Variants in TMEM236 observed in about 807,000 individuals in gnomAD.
TMEM236 encodes family with sequence similarity 23, member A.
In TMEM236, 11 loss-of-function variants were observed where a neutral mutation model predicts 14.7. The observed-to-expected ratio is 0.75, with a 90% CI of 0.47 to 1.24. TMEM236 has a LOEUF of 1.24. TMEM236 is among the 50% of genes most tolerant of loss of function. The probability of loss-of-function intolerance (pLI) is 0.00; values close to 1 mark genes in which losing one functional copy is unlikely to be tolerated. For synonymous variants in TMEM236, 182 were observed against 168.6 expected, an observed-to-expected ratio of 1.08 and a Z score of -0.62; for missense variants, 464 against 427.3, an observed-to-expected ratio of 1.09 and a Z score of -0.76.
At chr10:17,781,231 T>A (rs1837742325) in intron 3 of TMEM236, among the ~76,000 whole-genome samples, 1 of 152,200 alleles carries the variant, frequency 6.6e-6, no homozygotes, top group East Asian at 1.9e-4. Context: ...GGAGTGCTTT[T>A]CATTAAAAGG....
Position 17,796,347 on chromosome 10 carries a change from C to T in TMEM236, c.899C>T (p.Pro300Leu). The T allele has an allele frequency of 6.2e-7, 1 of 1,613,916 alleles. No individual in the cohort carries two copies. Among genetic ancestry groups the T allele is most frequent in the Non-Finnish European group, 8.5e-7 (1 of 1,179,858 alleles). ...CTGAGCGTCCTGCTGCAAGATTTACCATTCGTTTTTGTTAGACTTGGTTTA... is the reference window on the plus strand; with the variant it reads ...CTGAGCGTCCTGCTGCAAGATTTACTATTCGTTTTTGTTAGACTTGGTTTA... The part of the protein sequence containing the change: ...NSLSVLLQDL[P>L]FVFVRLGLII... The change falls in exon 4 of 4, where the codon CCA becomes CTA. Residue 300 changes from proline (P) to leucine (L), a missense_variant. Physicochemically the swap from Pro to Leu is moderately conservative, Grantham distance 98. Coordinates refer to ENST00000377495, the MANE Select transcript of TMEM236 (RefSeq NM_001098844.3).
intron 1 of TMEM236, among the ~76,000 whole-genome samples, chr10:17,763,804 G>C (rs947647341): frequency 6.6e-5 from 10 of 152,224 alleles, no homozygotes; most frequent in South Asian, 2.1e-4. Context: ...ATCGCAGAGT[G>C]GTTAGGGGCG....
chr10:17,768,369 A>T (rs1423318806), intron 1 of TMEM236, among the ~76,000 whole-genome samples: 8 of 151,868 alleles, frequency 5.3e-5, no homozygotes, highest in African/African-American at 1.7e-4. Context: ...ATAATTCTTT[A>T]AAAAAGAACC....
chr10:17,758,501 G>A (rs1837312977), intron 1 of TMEM236, among the ~76,000 whole-genome samples: 1 of 152,172 alleles, frequency 6.6e-6, no homozygotes, highest in African/African-American at 2.4e-5. Context: ...TGAATTCTTT[G>A]AGCCTTAATT....
In TMEM236 at chr10:17,796,565, C is replaced by CT. The variant is rs1321322559; in HGVS notation, c.*68dup. 10 of 1,438,044 alleles carry CT rather than the reference C, an allele frequency of 7.0e-6. No individual in the cohort carries two copies. The East Asian group carries it at 1.4e-4, about 20-fold the overall frequency. 89.1% of individuals were successfully genotyped at this position (1,438,044 alleles called of 1,614,324 possible). Reference sequence around the variant, plus strand: ...ACCTGTGTGCACATTTGTAATCCTTCTTTTTTTCTTGGGGCGTAGGTGTTT... The same window carrying CT: ...ACCTGTGTGCACATTTGTAATCCTTCTTTTTTTTCTTGGGGCGTAGGTGTTT... On this transcript the variant is annotated 3_prime_UTR_variant, in exon 4 of 4. Coordinates refer to ENST00000377495, the MANE Select transcript of TMEM236 (RefSeq NM_001098844.3).
rs1838074022 is a variant in TMEM236 at position 17,800,186 on chromosome 10, C to G, written c.*3682C>G. The stretch of plus-strand genomic sequence containing the variant: ...GGCAGAGGTTGCAGTGAGCTGAGAT[C>G]TCGCCACTATGCTCCAGCCTGGGCA... On this transcript the variant is annotated 3_prime_UTR_variant, in exon 4 of 4. Coordinates refer to ENST00000377495, the MANE Select transcript of TMEM236 (RefSeq NM_001098844.3). The G allele has an allele frequency of 6.6e-6, 1 of 150,658 alleles. No individual in the cohort carries two copies. Among genetic ancestry groups the G allele is most frequent in the Non-Finnish European group, 1.5e-5 (1 of 67,842 alleles). 9.3% of individuals were successfully genotyped at this position (150,658 alleles called of 1,614,324 possible). A position where few individuals can be genotyped will look rare whatever the true frequency, so the allele number is the denominator to read the frequency against.
intron 1 of TMEM236, among the ~76,000 whole-genome samples, chr10:17,767,896 T>A (rs1282185326): frequency 6.7e-6 from 1 of 148,844 alleles, no homozygotes; most frequent in African/African-American, 2.5e-5. Flanking sequence ...TTTTACTAGA[T>A]CTTAAGTACT....
At chr10:17,786,978 G>A (rs544000534) in intron 3 of TMEM236, among the ~76,000 whole-genome samples, 9 of 152,220 alleles carry the variant, frequency 5.9e-5, no homozygotes, top group South Asian at 2.1e-4. Context: ...TCTTGCTGCC[G>A]CCATGGAAGA....
intron 2 of TMEM236, among the ~76,000 whole-genome samples, chr10:17,772,155 A>G (rs1021373627): frequency 6.6e-6 from 1 of 152,160 alleles, no homozygotes; most frequent in Non-Finnish European, 1.5e-5. Flanking sequence ...CTCTCATATA[A>G]TTTTCTGACA....
At chr10:17,774,728 A>G (rs1554835058) in intron 2 of TMEM236, among the ~76,000 whole-genome samples, 1 of 152,118 alleles carries the variant, frequency 6.6e-6, no homozygotes, top group East Asian at 1.9e-4. Flanking sequence ...AAAAGTTGCA[A>G]CAGTGGTTGA....
At chr10:17,758,583 T>C (rs1414500505) in intron 1 of TMEM236, among the ~76,000 whole-genome samples, 8 of 152,240 alleles carry the variant, frequency 5.3e-5, no homozygotes, top group African/African-American at 1.4e-4. Flanking sequence ...CATAAGATCA[T>C]GCGTGTAAAG....
At chr10:17,787,899 C>T (rs1292242499) in intron 3 of TMEM236, among the ~76,000 whole-genome samples, 1 of 152,120 alleles carries the variant, frequency 6.6e-6, no homozygotes, top group African/African-American at 2.4e-5. Context: ...TATCCAAGCA[C>T]TTAAAACTCC....
chr10:17,762,906 G>C (rs1303461890), intron 1 of TMEM236, among the ~76,000 whole-genome samples: 1 of 148,986 alleles, frequency 6.7e-6, no homozygotes, highest in Non-Finnish European at 1.5e-5. Flanking sequence ...ATCTGCCTCG[G>C]CCTCCCAAAG....
chr10:17,764,837 C>CTTTT (rs1238545582), intron 1 of TMEM236, among the ~76,000 whole-genome samples: 2 of 127,392 alleles, frequency 1.6e-5, no homozygotes, highest in Non-Finnish European at 3.3e-5. Flanking sequence ...CAGATTTTCC[C>CTTTT]TTTTTTTTTT....
chr10:17,762,203 T>A (rs1222586375), intron 1 of TMEM236, among the ~76,000 whole-genome samples: 1 of 152,176 alleles, frequency 6.6e-6, no homozygotes, highest in African/African-American at 2.4e-5. Context: ...GTGGCATCAT[T>A]CTGCCATCTC....
chr10:17,763,832 A>G lies in TMEM236; in HGVS notation c.258-7477A>G, dbSNP rs1281891673. Among the ~76,000 whole-genome samples the G allele has an allele frequency of 7.2e-5, 11 of 152,274 alleles. No individual in the cohort carries two copies. In the East Asian group the frequency reaches 1.4e-3, roughly 19 times the overall value. On this transcript the variant is annotated intron_variant, in intron 1 of 3. Coordinates refer to ENST00000377495, the MANE Select transcript of TMEM236 (RefSeq NM_001098844.3). ...TAGGGGCGTGAGTTTTGGAGTCCTC[A>G]AGACCTGGATTAGAATTCATCTTTC...
At chr10:17,777,621 G>C (rs1475636232) in intron 3 of TMEM236, among the ~76,000 whole-genome samples, 1 of 151,958 alleles carries the variant, frequency 6.6e-6, no homozygotes, top group Admixed American at 6.6e-5. Context: ...TGATGACTCT[G>C]TATTTTCCAT....
intron 1 of TMEM236, among the ~76,000 whole-genome samples, chr10:17,755,116 T>TA (rs1837267415): frequency 6.6e-6 from 1 of 151,072 alleles, no homozygotes; most frequent in Non-Finnish European, 1.5e-5. Context: ...TGTTTTTTTT[T>TA]TTTTTTGTAT....
intron 3 of TMEM236, among the ~76,000 whole-genome samples, chr10:17,790,145 G>A (rs1257733961): frequency 3.3e-5 from 5 of 152,114 alleles, no homozygotes; most frequent in Admixed American, 2.0e-4. Flanking sequence ...TGGGAGGATC[G>A]CGTTTGCCCA....
Sources: allele counts gnomAD v4.1 joint callset (sites outside exome capture counted in the v4.1 genomes callset), GRCh38; gene constraint gnomAD v4.1.1; transcripts MANE v1.5; gene names NCBI Gene and HGNC (gene_info 2026-07-23, HGNC 2026-07-21).